MIER2: variants seen among roughly 807,000 people sequenced by gnomAD.
MIER2 encodes mesoderm induction early response protein 2.
A neutral mutation model predicts 67.6 loss-of-function variants in MIER2; 30 were observed. That is an observed-to-expected ratio of 0.44 (90% confidence interval 0.33 to 0.60). The LOEUF (loss-of-function observed/expected upper bound fraction) is 0.60. Among genes scored for constraint, MIER2 ranks in the 20% least tolerant of loss-of-function variants. MIER2 has a pLI of 0.02. For missense variants in MIER2, 702 were observed against 745.1 expected (o/e 0.94, Z 0.67); for synonymous variants, 372 against 312.6 (o/e 1.19, Z -2.00).
chr19:333,848 C>T (rs1731199400), intron 3 of MIER2, among the ~76,000 whole-genome samples: 1 of 151,454 alleles, frequency 6.6e-6, no homozygotes, highest in Non-Finnish European at 1.5e-5. Flanking sequence ...GCCACTATGC[C>T]CGGCTAATTT....
rs75198240 is a variant in MIER2 at position 327,260 on chromosome 19, TAA to T, written c.370-6_370-5del. ...GCAAATCCTTCGCTATTTGTTCCTT[TAA>T]AAAAAAAAAAAAAAGTAAAGAACAT... is the stretch of plus-strand genomic sequence containing the variant. On this transcript the variant is annotated splice_region_variant and splice_polypyrimidine_tract_variant and intron_variant, in intron 4 of 13. Coordinates refer to ENST00000264819, the MANE Select transcript of MIER2 (RefSeq NM_017550.3). 2,635 of 1,436,724 alleles carry T rather than the reference TAA, an allele frequency of 1.8e-3. No homozygotes were observed. Among genetic ancestry groups the T allele is most frequent in the East Asian group, 5.0e-3 (200 of 39,688 alleles). The allele number at this position is 1,436,724 out of a possible 1,614,324, so 89.0% of individuals were successfully genotyped here.
In MIER2 at chr19:344,493, CCT is replaced by C. The variant is rs1396372566; in HGVS notation, c.9+279_9+280del. 7.9e-6 allele frequency: 4 copies of C among 503,774 alleles called. No individual in the cohort carries two copies. In the African/African-American group the frequency reaches 8.4e-5, roughly 11 times the overall value. The allele number at this position is 503,774 out of a possible 1,614,324, so 31.2% of individuals were successfully genotyped here. ...CACCAGCCCCGCCCCGCGTCCCTCC[CCT>C]CCCCCACCCCGGCCCCCGCCCGCCC... On this transcript the variant is annotated intron_variant, in intron 1 of 13. Coordinates refer to ENST00000264819, the MANE Select transcript of MIER2 (RefSeq NM_017550.3).
intron 1 of MIER2, among the ~76,000 whole-genome samples, chr19:341,627 G>A (rs1387697338): frequency 6.6e-6 from 1 of 152,074 alleles, no homozygotes; most frequent in African/African-American, 2.4e-5. Context: ...GGTTCCCAGG[G>A]ACTCTACTTC....
At chr19:318,949 T>TG (rs1971378579) in intron 7 of MIER2, among the ~76,000 whole-genome samples, 1 of 140,532 alleles carries the variant, frequency 7.1e-6, no homozygotes, top group South Asian at 2.3e-4. Flanking sequence ...CCCAGCTACT[T>TG]GGGAGGCTGA....
At chr19:319,649 G>C (rs1339407306) in intron 7 of MIER2, among the ~76,000 whole-genome samples, 1 of 152,046 alleles carries the variant, frequency 6.6e-6, no homozygotes, top group Non-Finnish European at 1.5e-5. Context: ...AGTAGCGACA[G>C]GGTTTCACCA....
intron 1 of MIER2, among the ~76,000 whole-genome samples, chr19:341,617 G>T (rs1435606710): frequency 6.6e-6 from 1 of 152,088 alleles, no homozygotes; most frequent in Non-Finnish European, 1.5e-5. Flanking sequence ...TCTCAAAGCA[G>T]GTTCCCAGGG....
rs1005200650 is a variant in MIER2 at position 308,150 on chromosome 19, C to G, written c.1198+427G>C. Reference sequence around the variant, plus strand: ...ACACCACCATCGGACATGGTCCCTACCCGAGGCCCTGCTGTGCTCCGTCAT... The same window carrying G: ...ACACCACCATCGGACATGGTCCCTAGCCGAGGCCCTGCTGTGCTCCGTCAT... On this transcript the variant is annotated intron_variant, in intron 12 of 13. Coordinates refer to ENST00000264819, the MANE Select transcript of MIER2 (RefSeq NM_017550.3). This position sits in a 1 kb window ranked among gnomAD's most constrained non-coding sequence, Gnocchi z 9.1. 1.1e-4 allele frequency among the ~76,000 whole-genome samples: 16 copies of G among 152,188 alleles called. No homozygotes were observed. The highest frequency in any genetic ancestry group is 3.6e-4 in the African/African-American group (15 of 41,448).
intron 2 of MIER2, among the ~76,000 whole-genome samples, chr19:335,696 G>A (rs1972216584): frequency 6.6e-6 from 1 of 152,192 alleles, no homozygotes; most frequent in African/African-American, 2.4e-5. Flanking sequence ...GCAGGGAGGT[G>A]CAGGGAACCC....
At chr19:335,518 G>A (rs1273154075) in intron 2 of MIER2, among the ~76,000 whole-genome samples, 1 of 152,196 alleles carries the variant, frequency 6.6e-6, no homozygotes, top group African/African-American at 2.4e-5. Flanking sequence ...GTGGTGACTA[G>A]TTTGATACGG....
At position 306,652 on chromosome 19, in the gene MIER2, G is replaced by A. The variant is rs201803724; in HGVS notation, c.*38C>T. On this transcript the variant is annotated 3_prime_UTR_variant, in exon 14 of 14. Transcript: ENST00000264819. ...GAGGCGGGCCCAGCGGCAGCGCTAAGTCCAGTCTGGGCCGCATACGCCGCC... is the reference window on the plus strand; with the variant it reads ...GAGGCGGGCCCAGCGGCAGCGCTAAATCCAGTCTGGGCCGCATACGCCGCC... 7 of 1,551,456 alleles carry A rather than the reference G, an allele frequency of 4.5e-6. No individual in the cohort carries two copies. The highest frequency in any genetic ancestry group is 2.4e-5 in the South Asian group (2 of 84,104).
intron 1 of MIER2, chr19:344,269 G>A: frequency 1.0e-6 from 1 of 985,360 alleles, no homozygotes; most frequent in Non-Finnish European, 1.2e-6. Flanking sequence ...ACCCAGCCCC[G>A]CCGGGGGGCT....
At chr19:313,416 G>A in intron 8 of MIER2, 76 bp downstream of exon 8, 1 of 1,559,674 alleles carries the variant, frequency 6.4e-7, no homozygotes, top group South Asian at 1.2e-5. Flanking sequence ...CTGGCCCCTG[G>A]AGGCACTGGG....
intron 1 of MIER2, 150 bp from the exon 2 acceptor site, chr19:336,323 C>A: frequency 4.7e-6 from 3 of 643,302 alleles, no homozygotes; most frequent in Non-Finnish European, 8.1e-6. Flanking sequence ...GGCTGGGGGG[C>A]ACTAGGAGCA....
At chr19:336,352 C>A (rs1419977303) in intron 1 of MIER2, among the ~76,000 whole-genome samples, 179 bp from the exon 2 acceptor site, 1 of 152,216 alleles carries the variant, frequency 6.6e-6, no homozygotes, top group African/African-American at 2.4e-5. Flanking sequence ...ATGTGGCCGC[C>A]ACTCGCCCCG....
In MIER2 at chr19:327,210, G is replaced by A. The variant is rs751789008; in HGVS notation, c.416C>T (p.Thr139Met). ...DLLSGEEEEETQSSADDLTPS... is the reference protein window; with the variant it reads ...DLLSGEEEEEMQSSADDLTPS... The stretch of plus-strand genomic sequence containing the variant: ...GGTGAGGTCGTCAGCAGATGATTGC[G>A]TCTCTTCCTCTTCTTCCCCTGAAAG... The change falls in exon 5 of 14, where the codon ACG (threonine) becomes ATG (methionine). Residue 139 changes from threonine (T) to methionine (M), a missense_variant. Physicochemically the swap from Thr to Met is moderately conservative, Grantham distance 81 (BLOSUM62 -1). Coordinates refer to ENST00000264819, the MANE Select transcript of MIER2 (RefSeq NM_017550.3). The A allele has an allele frequency of 2.8e-5, 44 of 1,588,106 alleles. 1 individual carries two copies. The South Asian group carries it at 3.6e-4, about 13-fold the overall frequency.
At chr19:325,734 ACT>A (rs1307391188) in intron 6 of MIER2, 30 bp from the exon 7 acceptor site, 1 of 1,613,542 alleles carries the variant, frequency 6.2e-7, no homozygotes, top group Non-Finnish European at 8.5e-7. Flanking sequence ...GAATCAGGAC[ACT>A]GAGGAGCATC....
intron 7 of MIER2, among the ~76,000 whole-genome samples, chr19:324,117 A>G (rs1386445095): frequency 1.4e-5 from 2 of 139,632 alleles, no homozygotes; most frequent in Non-Finnish European, 3.0e-5. Context: ...TCACAATGCA[A>G]TAAAGACACA....
chr19:334,702 G>A (rs937603364), intron 2 of MIER2, among the ~76,000 whole-genome samples, 160 bp from the exon 3 acceptor site: 5 of 152,192 alleles, frequency 3.3e-5, no homozygotes, highest in African/African-American at 1.2e-4. Flanking sequence ...CACGACTAAT[G>A]CACACAGGAG....
At position 307,216 on chromosome 19, in the gene MIER2, T is replaced by C; in HGVS notation, c.1519A>G (p.Thr507Ala). Reference sequence around the variant, plus strand: ...CCAATGCCGATGAGTCCAAACTCGGTGACCGACAAAGCCACCTGTGCTGGG... The same window carrying C: ...CCAATGCCGATGAGTCCAAACTCGGCGACCGACAAAGCCACCTGTGCTGGG... The part of the protein sequence containing the change: ...VAPAQVALSV[T>A]EFGLIGIGDV... The change falls in exon 13 of 14, where the codon ACC becomes GCC. Residue 507 changes from threonine to alanine, a missense_variant. Transcript: ENST00000264819. 6.3e-7 allele frequency: 1 copy of C among 1,592,082 alleles called. No individual in the cohort carries two copies. The highest frequency in any genetic ancestry group is 8.5e-7 in the Non-Finnish European group (1 of 1,169,660).
Sources: allele counts gnomAD v4.1 joint callset (sites outside exome capture counted in the v4.1 genomes callset), GRCh38; gene constraint gnomAD v4.1.1; non-coding constraint Gnocchi (gnomAD v3.1); transcripts MANE v1.5; gene names NCBI Gene and HGNC (gene_info 2026-07-23, HGNC 2026-07-21).